Variants in DHX35 observed in about 807,000 individuals in gnomAD.
The protein encoded by DHX35 is DEAH-box helicase 35.
A neutral mutation model predicts 99.6 loss-of-function variants in DHX35; 84 were observed. The observed-to-expected ratio is 0.84, with a 90% confidence interval of 0.71 to 1.01. DHX35 has a LOEUF of 1.01. Ranked by LOEUF, DHX35 falls within the 50% of genes least tolerant of loss-of-function variation. The pLI, the probability that DHX35 is intolerant of heterozygous loss-of-function variation, is 0.00. For synonymous variants in DHX35, 331 were observed against 316.2 expected (o/e 1.05, Z -0.50); for missense variants, 852 against 888.5 (o/e 0.96, Z 0.52).
chr20:39,000,663 A>G (rs73908231), intron 8 of DHX35, among the ~76,000 whole-genome samples: 3,081 of 152,242 alleles, frequency 0.02, 114 homozygotes, highest in African/African-American at 0.071. Context: ...GTTTGATGCC[A>G]TTCGTTAGCA....
At chr20:38,992,277 C>T in intron 6 of DHX35, 79 bp from the exon 7 acceptor site, 1 of 1,206,230 alleles carries the variant, frequency 8.3e-7, no homozygotes, top group Non-Finnish European at 1.2e-6. Context: ...ACTAAATACC[C>T]AGAAGCTCTT....
At chr20:38,985,159 G>A (rs1203148083) in intron 4 of DHX35, among the ~76,000 whole-genome samples, 1 of 152,030 alleles carries the variant, frequency 6.6e-6, no homozygotes, top group Non-Finnish European at 1.5e-5. Context: ...GAGGCAAGAG[G>A]ATTGCTTGAG....
chr20:38,967,087 G>C (rs368302577), intron 1 of DHX35, among the ~76,000 whole-genome samples: 1 of 152,336 alleles, frequency 6.6e-6, no homozygotes, highest in African/African-American at 2.4e-5. Context: ...ATGGAAAAGG[G>C]TCAGAGATCT....
intron 4 of DHX35, 99 bp from the exon 5 acceptor site, chr20:38,988,714 T>C: frequency 6.6e-7 from 1 of 1,526,594 alleles, no homozygotes; most frequent in African/African-American, 1.4e-5. Flanking sequence ...TGTGTTCACA[T>C]ACTATTTAAA....
chr20:39,010,235 G>C, intron 12 of DHX35, 45 bp from the exon 13 acceptor site: 9 of 1,613,688 alleles, frequency 5.6e-6, no homozygotes, highest in Non-Finnish European at 7.6e-6. Context: ...GATTGCATTT[G>C]ATTGTGACAT....
chr20:39,014,839 C>T (rs781284642), intron 13 of DHX35, 41 bp from the exon 14 acceptor site: 1 of 1,612,350 alleles, frequency 6.2e-7, no homozygotes, highest in South Asian at 1.1e-5. Context: ...TGTTTGTTGC[C>T]CAAATAAATT....
chr20:38,997,450 T>G (rs1270882077), intron 8 of DHX35, among the ~76,000 whole-genome samples: 1 of 152,200 alleles, frequency 6.6e-6, no homozygotes, highest in African/African-American at 2.4e-5. Flanking sequence ...ATGAAAAAAA[T>G]AGCTTCTTTC....
chr20:38,989,097 CTTTTTT>C (rs375064892), intron 5 of DHX35, among the ~76,000 whole-genome samples, 180 bp downstream of exon 5: 19 of 125,318 alleles, frequency 1.5e-4, no homozygotes, highest in African/African-American at 5.4e-4. Context: ...TTCCTTTTTT[CTTTTTT>C]TTTTTTTTTT....
chr20:38,975,780 T>C (rs2086066322), intron 3 of DHX35, among the ~76,000 whole-genome samples: 1 of 152,252 alleles, frequency 6.6e-6, no homozygotes, highest in Non-Finnish European at 1.5e-5. Context: ...ACTGCTCTTA[T>C]GAGGCACTTG....
At chr20:39,023,109 A>G (rs1188795864) in intron 16 of DHX35, among the ~76,000 whole-genome samples, 2 of 152,194 alleles carry the variant, frequency 1.3e-5, no homozygotes. Flanking sequence ...GGAGAGAGAC[A>G]AGAACACTAA....
chr20:39,021,771 T>C, intron 15 of DHX35, 70 bp from the exon 16 acceptor site: 3 of 1,438,382 alleles, frequency 2.1e-6, no homozygotes, highest in South Asian at 1.1e-5. Flanking sequence ...AAGGAAAGTA[T>C]CAGAAAATGT....
At chr20:38,981,201 C>T (rs912633679) in intron 3 of DHX35, among the ~76,000 whole-genome samples, 3 of 152,178 alleles carry the variant, frequency 2.0e-5, no homozygotes, top group African/African-American at 7.2e-5. Context: ...TCTTGGGGGA[C>T]ATATTTTCAC....
At chr20:39,023,890 T>A in intron 17 of DHX35, 123 bp downstream of exon 17, 1 of 774,256 alleles carries the variant, frequency 1.3e-6, no homozygotes, top group Non-Finnish European at 2.1e-6. Flanking sequence ...GATTTTCCTG[T>A]TAGATTTATT....
Position 38,995,538 on chromosome 20 carries a change from A to AT in DHX35, c.642+658_642+659insT, listed in dbSNP as rs1158168985. 3.1e-4 allele frequency among the ~76,000 whole-genome samples: 47 copies of AT among 152,172 alleles called. No individual in the cohort carries two copies. In the East Asian group the frequency reaches 8.7e-3, roughly 28 times the overall value. On this transcript the variant is annotated intron_variant, in intron 8 of 21. Transcript: ENST00000252011. The stretch of plus-strand genomic sequence containing the variant: ...AAACTTCATCTCAAAAAAAAAAAAA[A>AT]GTTTCTCCTGTATATATAATAATTT...
intron 3 of DHX35, among the ~76,000 whole-genome samples, chr20:38,979,749 T>G (rs1188514681): frequency 2.0e-5 from 3 of 151,946 alleles, no homozygotes; most frequent in African/African-American, 7.2e-5. Context: ...GTACCTTTCC[T>G]TGGGAAAAAA....
chr20:39,001,795 T>A lies in DHX35; in HGVS notation c.708T>A (p.Leu236=). The change falls in exon 9 of 22, where the codon CTT becomes CTA. Residue 236 remains leucine, a synonymous_variant. Transcript: ENST00000252011. ...SDPARDTCVI[L]TVEGRTFPVD... ...CAGCAAGGGATACATGTGTGATCCTTACAGTGGAAGGGAGAACATTTCCGG... is the reference window on the plus strand; with the variant it reads ...CAGCAAGGGATACATGTGTGATCCTAACAGTGGAAGGGAGAACATTTCCGG... The A allele has an allele frequency of 6.2e-7, 1 of 1,613,902 alleles. No individual in the cohort carries two copies. Among genetic ancestry groups the A allele is most frequent in the Non-Finnish European group, 8.5e-7 (1 of 1,179,920 alleles).
intron 13 of DHX35, among the ~76,000 whole-genome samples, chr20:39,012,268 A>T (rs928189598): frequency 6.6e-6 from 1 of 152,108 alleles, no homozygotes; most frequent in African/African-American, 2.4e-5. Context: ...GAAAAGATAA[A>T]CAGTATGTGC....
At chr20:39,001,304 C>T (rs556623049) in intron 8 of DHX35, among the ~76,000 whole-genome samples, 1 of 152,288 alleles carries the variant, frequency 6.6e-6, no homozygotes, top group African/African-American at 2.4e-5. Flanking sequence ...AGTTTCCTAT[C>T]AAATGATCAT....
chr20:38,978,236 C>G (rs2086113414), intron 3 of DHX35: 2 of 866,038 alleles, frequency 2.3e-6, no homozygotes, highest in Non-Finnish European at 2.0e-6. Flanking sequence ...TTCATTGCCT[C>G]TGCTTCAACA....
Sources: allele counts gnomAD v4.1 joint callset (sites outside exome capture counted in the v4.1 genomes callset), GRCh38; gene constraint gnomAD v4.1.1; transcripts MANE v1.5; gene names NCBI Gene and HGNC (gene_info 2026-07-23, HGNC 2026-07-21).